LRRC4C: variants seen among roughly 807,000 people sequenced by gnomAD.
The protein encoded by LRRC4C is leucine-rich repeat-containing protein 4C.
A neutral mutation model predicts 33.6 loss-of-function variants in LRRC4C; 5 were observed. The observed-to-expected ratio is 0.15, with a 90% CI of 0.08 to 0.31. The LOEUF (loss-of-function observed/expected upper bound fraction) is 0.31. Among genes scored for constraint, LRRC4C ranks in the 10% least tolerant of loss-of-function variants. The pLI, the probability that LRRC4C is intolerant of heterozygous loss-of-function variation, is 1.00. For missense variants in LRRC4C, 560 were observed against 796.7 expected, an observed-to-expected ratio of 0.70 and a Z score of 3.58; for synonymous variants, 329 against 302.0, an observed-to-expected ratio of 1.09 and a Z score of -0.93.
intron 1 of LRRC4C, among the ~76,000 whole-genome samples, chr11:40,947,170 T>C (rs535384842): frequency 6.6e-6 from 1 of 152,314 alleles, no homozygotes; most frequent in Admixed American, 6.5e-5. Context: ...TTATACATCT[T>C]AATCATGTAT....
At position 40,288,102 on chromosome 11, in the gene LRRC4C, G is replaced by A. The variant is rs146869263; in HGVS notation, c.-176+31526C>T. Among the ~76,000 whole-genome samples the A allele has an allele frequency of 1.4e-4, 22 of 152,250 alleles. No homozygotes were observed. In the South Asian group the frequency reaches 1.7e-3, roughly 11 times the overall value. On this transcript the variant is annotated intron_variant, in intron 4 of 6. Coordinates refer to ENST00000528697, the MANE Select transcript of LRRC4C (RefSeq NM_001258419.2). ...TCCTCACGGCAGACAGTTCCATGCA[G>A]TTGTTATTACCTCTATTTTACAGAT...
In LRRC4C at chr11:40,516,385, A is replaced by G. The variant is rs1955560555; in HGVS notation, c.-270+131757T>C. On this transcript the variant is annotated intron_variant, in intron 3 of 6. Coordinates refer to ENST00000528697, the MANE Select transcript of LRRC4C (RefSeq NM_001258419.2). The stretch of plus-strand genomic sequence containing the variant: ...TCAAGGCTCATTATTTTCCAACTCC[A>G]CTACCAAGTCTCCTATGTATGAACA... Among the ~76,000 whole-genome samples, 4 of 152,208 alleles carry G rather than the reference A, an allele frequency of 2.6e-5. No individual in the cohort carries two copies. In the South Asian group the frequency reaches 8.3e-4, roughly 32 times the overall value.
chr11:40,833,572 C>T (rs907496293), intron 2 of LRRC4C, among the ~76,000 whole-genome samples: 5 of 151,942 alleles, frequency 3.3e-5, no homozygotes, highest in Non-Finnish European at 5.9e-5. Flanking sequence ...CACCCAAGGA[C>T]CACATGTGAC....
chr11:40,651,794 C>T (rs1393357318), intron 2 of LRRC4C, among the ~76,000 whole-genome samples: 2 of 152,164 alleles, frequency 1.3e-5, no homozygotes, highest in Non-Finnish European at 2.9e-5. Flanking sequence ...ATTTGACTTC[C>T]TTCTCCACTG....
Position 40,662,775 on chromosome 11 carries a change from C to T in LRRC4C, c.-406-14497G>A, listed in dbSNP as rs117780559. ...CTCTGTGCAAGTTGTTTAACCACTA[C>T]AACTCAGTTGCTTCATCATTCAAAA... On this transcript the variant is annotated intron_variant, in intron 2 of 6. Transcript: ENST00000528697. Among the ~76,000 whole-genome samples the T allele has an allele frequency of 9.1e-3, 1,379 of 152,306 alleles. 11 individuals carry two copies. Among genetic ancestry groups the T allele is most frequent in the Non-Finnish European group, 0.013 (859 of 68,020 alleles).
chr11:40,135,015 T>A (rs1011262049), intron 6 of LRRC4C, among the ~76,000 whole-genome samples: 2 of 152,200 alleles, frequency 1.3e-5, no homozygotes, highest in Non-Finnish European at 2.9e-5. Flanking sequence ...ACTCTTTCTG[T>A]GATTTCCAGG....
At chr11:40,228,297 T>C (rs1864956575) in intron 5 of LRRC4C, among the ~76,000 whole-genome samples, 1 of 152,212 alleles carries the variant, frequency 6.6e-6, no homozygotes, top group Non-Finnish European at 1.5e-5. Context: ...GCAAAATCCA[T>C]TGAATTTTTA....
chr11:40,150,216 A>G (rs982466302), intron 5 of LRRC4C, among the ~76,000 whole-genome samples: 1 of 152,154 alleles, frequency 6.6e-6, no homozygotes, highest in African/African-American at 2.4e-5. Flanking sequence ...GTCCACCTGG[A>G]TAATCCAGGA....
chr11:41,154,916 G>A (rs1016847341), intron 1 of LRRC4C, among the ~76,000 whole-genome samples: 1 of 152,116 alleles, frequency 6.6e-6, no homozygotes, highest in Non-Finnish European at 1.5e-5. Context: ...TTTTGTGGTT[G>A]CGCTACTGAG....
chr11:40,822,661 C>T (rs1461435804), intron 2 of LRRC4C, among the ~76,000 whole-genome samples: 1 of 151,700 alleles, frequency 6.6e-6, no homozygotes, highest in Non-Finnish European at 1.5e-5. Context: ...CTTTGCTGTG[C>T]AGAAGCTTTT....
intron 3 of LRRC4C, among the ~76,000 whole-genome samples, chr11:40,335,590 T>C (rs1367914819): frequency 1.3e-5 from 2 of 152,240 alleles, no homozygotes; most frequent in South Asian, 2.1e-4. Flanking sequence ...GTTATGACAA[T>C]TGTTAGATGT....
At chr11:40,936,108 A>C (rs1957886157) in intron 1 of LRRC4C, among the ~76,000 whole-genome samples, 1 of 135,684 alleles carries the variant, frequency 7.4e-6, no homozygotes. Flanking sequence ...AAAAATGTGT[A>C]TTGCAATGTA....
At chr11:41,298,310 C>CT (rs1950196816) in intron 1 of LRRC4C, among the ~76,000 whole-genome samples, 2 of 152,074 alleles carry the variant, frequency 1.3e-5, no homozygotes, top group Non-Finnish European at 1.5e-5. Context: ...AAGGCCTTGT[C>CT]TTTTTTTCCC....
At chr11:40,726,387 G>A (rs1363278165) in intron 2 of LRRC4C, among the ~76,000 whole-genome samples, 1 of 152,166 alleles carries the variant, frequency 6.6e-6, no homozygotes, top group Non-Finnish European at 1.5e-5. Flanking sequence ...GAGGATCATA[G>A]ATGGCAAAAG....
chr11:41,321,841 A>G (rs1254776516), intron 1 of LRRC4C, among the ~76,000 whole-genome samples: 1 of 152,036 alleles, frequency 6.6e-6, no homozygotes, highest in Non-Finnish European at 1.5e-5. Context: ...CCAAGCCCAC[A>G]TATCTAAACT....
chr11:40,780,969 C>T (rs531065216), intron 2 of LRRC4C, among the ~76,000 whole-genome samples: 1 of 152,218 alleles, frequency 6.6e-6, no homozygotes, highest in East Asian at 1.9e-4. Flanking sequence ...GGGTCACTTA[C>T]TGACAGCGAT....
At chr11:41,073,614 T>C (rs565735297) in intron 1 of LRRC4C, among the ~76,000 whole-genome samples, 32 of 152,304 alleles carry the variant, frequency 2.1e-4, no homozygotes, top group African/African-American at 7.7e-4. Flanking sequence ...ATTGTTACTA[T>C]CATTTTTGCT....
intron 3 of LRRC4C, among the ~76,000 whole-genome samples, chr11:40,362,105 A>G (rs1316495781): frequency 6.6e-6 from 1 of 152,188 alleles, no homozygotes; most frequent in Non-Finnish European, 1.5e-5. Context: ...TCTATACACA[A>G]ATTAACTCCA....
chr11:40,237,027 T>C (rs1865611676), intron 5 of LRRC4C, among the ~76,000 whole-genome samples: 1 of 152,202 alleles, frequency 6.6e-6, no homozygotes, highest in Non-Finnish European at 1.5e-5. Context: ...CATCTTGATT[T>C]ATATTAAAAA....
Sources: allele counts gnomAD v4.1 joint callset (sites outside exome capture counted in the v4.1 genomes callset), GRCh38; gene constraint gnomAD v4.1.1; transcripts MANE v1.5; gene names NCBI Gene and HGNC (gene_info 2026-07-23, HGNC 2026-07-21).